The following DNAJC5 variants were observed in gnomAD, a reference collection of about 807,000 sequenced individuals.
DNAJC5 encodes the protein dnaJ homolog subfamily C member 5.
Under a neutral mutation model 23.2 loss-of-function variants are expected in DNAJC5, and 1 was observed. The observed-to-expected ratio is 0.04, with a 90% confidence interval of 0.02 to 0.20. DNAJC5 has a LOEUF of 0.20. Ranked by LOEUF, DNAJC5 falls within the 10% of genes least tolerant of loss-of-function variation. The pLI, the probability that DNAJC5 is intolerant of heterozygous loss-of-function variation, is 1.00. For synonymous variants in DNAJC5, 136 were observed against 120.0 expected (o/e 1.13, Z -0.87); for missense variants, 180 against 267.0 (o/e 0.67, Z 2.27).
At chr20:63,905,668 C>T (rs1437802914) in intron 1 of DNAJC5, among the ~76,000 whole-genome samples, 2 of 151,374 alleles carry the variant, frequency 1.3e-5, no homozygotes, top group East Asian at 3.9e-4. Flanking sequence ...CTCCTGGGTT[C>T]AAGCAATTCT....
At chr20:63,907,166 TAA>T (rs1467864827) in intron 1 of DNAJC5, among the ~76,000 whole-genome samples, 1 of 152,056 alleles carries the variant, frequency 6.6e-6, no homozygotes, top group Non-Finnish European at 1.5e-5. Context: ...TACAAGAAAA[TAA>T]GTTATTTGTG....
chr20:63,907,428 C>T (rs2053454811), intron 1 of DNAJC5, among the ~76,000 whole-genome samples: 2 of 152,140 alleles, frequency 1.3e-5, no homozygotes, highest in South Asian at 4.1e-4. Flanking sequence ...CAAGCCAGCT[C>T]CCAGACATAC....
At position 63,929,065 on chromosome 20, in the gene DNAJC5, G is replaced by A. The variant is rs1293776477; in HGVS notation, c.108-247G>A. Among the ~76,000 whole-genome samples the A allele has an allele frequency of 6.6e-6, 1 of 152,236 alleles. No individual in the cohort carries two copies. The highest frequency in any genetic ancestry group is 2.1e-4 in the South Asian group (1 of 4,836). On this transcript the variant is annotated intron_variant, in intron 2 of 4. Transcript: ENST00000360864. The surrounding 1 kb of genome is among the most constrained non-coding windows in gnomAD (Gnocchi z 8.6). ...TGGTGCCGCTGAACTTAGATGTGCC[G>A]TGGCACTCACAGCCCTTGGGGCTCC...
intron 1 of DNAJC5, among the ~76,000 whole-genome samples, chr20:63,899,781 C>T (rs573049019): frequency 5.3e-5 from 8 of 151,042 alleles, no homozygotes; most frequent in East Asian, 2.0e-4. Flanking sequence ...CAGGGTTTCG[C>T]GGTGTTAGCC....
At position 63,920,510 on chromosome 20, in the gene DNAJC5, G is replaced by GAGGA. The variant is rs1356199129; in HGVS notation, c.-11-7824_-11-7821dup. Among the ~76,000 whole-genome samples, 1 of 152,230 alleles carries GAGGA rather than the reference G, an allele frequency of 6.6e-6. No individual in the cohort carries two copies. The highest frequency in any genetic ancestry group is 1.5e-5 in the Non-Finnish European group (1 of 68,030). ...GAGTGGCTGCCCTGGCGTAGGGAGG[G>GAGGA]AGGACACGGGTCCCCGCCATTTCAG... On this transcript the variant is annotated intron_variant, in intron 1 of 4. Transcript: ENST00000360864. The surrounding 1 kb of genome is among the most constrained non-coding windows in gnomAD (Gnocchi z 4.6).
At chr20:63,915,440 G>A (rs1259643477) in intron 1 of DNAJC5, among the ~76,000 whole-genome samples, 2 of 144,548 alleles carry the variant, frequency 1.4e-5, no homozygotes, top group South Asian at 2.2e-4. Context: ...AAAAAAAAAA[G>A]CTTGTGCTCA....
rs754228390 is a variant in DNAJC5, at chr20:63,929,349, G to A, written c.145G>A (p.Asp49Asn). The change falls in exon 3 of 5, where the codon GAC becomes AAC. Residue 49 changes from aspartate to asparagine, a missense_variant. Around this residue, in one of 3 missense-constraint regions of DNAJC5, gnomAD observed 77 missense variants for 106.8 expected, o/e 0.72. Transcript: ENST00000360864. This position sits in a 1 kb window ranked among gnomAD's most constrained non-coding sequence, Gnocchi z 8.6. ...GAAATATCACCCCGACAAGAACCCC[G>A]ACAACCCGGAGGCCGCGGACAAGTT... ...ALKYHPDKNP[D>N]NPEAADKFKE... The A allele has an allele frequency of 5.0e-6, 8 of 1,613,948 alleles. No homozygotes were observed. The highest frequency in any genetic ancestry group is 5.9e-6 in the Non-Finnish European group (7 of 1,180,006).
At position 63,935,935 on chromosome 20, in the gene DNAJC5, G is replaced by T. The variant is rs1436915709; in HGVS notation, c.*4367G>T. The T allele has an allele frequency of 6.6e-6, 1 of 152,234 alleles. No homozygotes were observed. Among genetic ancestry groups the T allele is most frequent in the Non-Finnish European group, 1.5e-5 (1 of 68,054 alleles). The allele number at this position is 152,234 out of a possible 1,614,324, so 9.4% of individuals were successfully genotyped here. A position where few individuals can be genotyped will look rare whatever the true frequency, so the allele number is the denominator to read the frequency against. ...CTCGAGCACACACATCTAAGGGCCA[G>T]GCTGGTTCCGCATGGTGATCTCCGT... On this transcript the variant is annotated 3_prime_UTR_variant, in exon 5 of 5. Transcript: ENST00000360864.
At chr20:63,926,923 A>G (rs568814528) in intron 1 of DNAJC5, among the ~76,000 whole-genome samples, 8 of 152,352 alleles carry the variant, frequency 5.3e-5, no homozygotes, top group Middle Eastern at 3.4e-3. Context: ...TGTATTTATT[A>G]TTCAATTCAA....
In DNAJC5 at chr20:63,931,902, C is replaced by T. The variant is rs1281579683; in HGVS notation, c.*334C>T. 2.5e-6 allele frequency: 1 copy of T among 394,026 alleles called. No individual in the cohort carries two copies. Among genetic ancestry groups the T allele is most frequent in the Non-Finnish European group, 4.9e-6 (1 of 205,572 alleles). The allele number at this position is 394,026 out of a possible 1,614,324, so 24.4% of individuals were successfully genotyped here. Reference sequence around the variant, plus strand: ...CCTCAGGGCTGTCGGTCAGGTTGGTCCAGTGAGGGGTGACTGCAGCCGGTC... The same window carrying T: ...CCTCAGGGCTGTCGGTCAGGTTGGTTCAGTGAGGGGTGACTGCAGCCGGTC... On this transcript the variant is annotated 3_prime_UTR_variant, in exon 5 of 5. Coordinates refer to ENST00000360864, the MANE Select transcript of DNAJC5 (RefSeq NM_025219.3). This position sits in a 1 kb window ranked among gnomAD's most constrained non-coding sequence, Gnocchi z 9.6.
rs1188172174 is a variant in DNAJC5 at position 63,931,043 on chromosome 20, C to G, written c.493+21C>G. Reference sequence around the variant, plus strand: ...GAGGGGTGAGTGCCCGCCCCAGGGCCCGTGTGTGTGTGTGGGGCAGAGCCA... The same window carrying G: ...GAGGGGTGAGTGCCCGCCCCAGGGCGCGTGTGTGTGTGTGGGGCAGAGCCA... On this transcript the variant is annotated intron_variant, in intron 4 of 4. Coordinates refer to ENST00000360864, the MANE Select transcript of DNAJC5 (RefSeq NM_025219.3). This position sits in a 1 kb window ranked among gnomAD's most constrained non-coding sequence, Gnocchi z 9.6. 1 of 1,607,102 alleles carries G rather than the reference C, an allele frequency of 6.2e-7. No homozygotes were observed. Among genetic ancestry groups the G allele is most frequent in the African/African-American group, 1.3e-5 (1 of 74,870 alleles).
chr20:63,919,470 CGGG>C lies in DNAJC5; in HGVS notation c.-11-8864_-11-8862del, dbSNP rs1456171420. The C allele has an allele frequency of 2.5e-4, 124 of 496,896 alleles. 4 individuals carry two copies. Among genetic ancestry groups the C allele is most frequent in the East Asian group, 8.6e-4 (15 of 17,488 alleles). The allele number at this position is 496,896 out of a possible 1,614,324, so 30.8% of individuals were successfully genotyped here. ...GCTGTGTGGACATGTGCCCAGGGCC[CGGG>C]ACAGCGCCACGGAAGAGGACGCACC... On this transcript the variant is annotated intron_variant, in intron 1 of 4. Coordinates refer to ENST00000360864, the MANE Select transcript of DNAJC5 (RefSeq NM_025219.3).
chr20:63,919,322 G>C, intron 1 of DNAJC5: 2 of 492,798 alleles, frequency 4.1e-6, no homozygotes, highest in Non-Finnish European at 8.2e-6. Flanking sequence ...TCGATGCATC[G>C]TAACTGTTGA....
chr20:63,902,987 T>G (rs1030055268), intron 1 of DNAJC5, among the ~76,000 whole-genome samples: 2 of 152,004 alleles, frequency 1.3e-5, no homozygotes, highest in African/African-American at 4.8e-5. Context: ...ACATCCTGTT[T>G]TTTTTACAAC....
At chr20:63,923,110 C>T (rs1168441925) in intron 1 of DNAJC5, among the ~76,000 whole-genome samples, 1 of 151,896 alleles carries the variant, frequency 6.6e-6, no homozygotes, top group Non-Finnish European at 1.5e-5. Flanking sequence ...CACTGCACTC[C>T]AGCCTGGGCA....
rs2053690244 is a variant in DNAJC5 at position 63,933,345 on chromosome 20, G to C, written c.*1777G>C. 2 of 152,380 alleles carry C rather than the reference G, an allele frequency of 1.3e-5. No homozygotes were observed. The highest frequency in any genetic ancestry group is 4.2e-4 in the South Asian group (2 of 4,810). 9.4% of individuals were successfully genotyped at this position (152,380 alleles called of 1,614,324 possible). A position where few individuals can be genotyped will look rare whatever the true frequency, so the allele number is the denominator to read the frequency against. On this transcript the variant is annotated 3_prime_UTR_variant, in exon 5 of 5. Transcript: ENST00000360864. ...TACATCTGGACGTGCTTAGGAACAG[G>C]GTGCTGGTTGAGGGCCCCCAGCTGA...
In DNAJC5 at chr20:63,899,875, CT is replaced by C. The variant is rs1204638442; in HGVS notation, c.-12+4553del. 7.7e-3 allele frequency among the ~76,000 whole-genome samples: 1,101 copies of C among 142,878 alleles called. 22 individuals are homozygous for C. The highest frequency in any genetic ancestry group is 0.027 in the African/African-American group (1,049 of 38,236). 93.7% of individuals were successfully genotyped at this position (142,878 alleles called of 152,430 possible). On this transcript the variant is annotated intron_variant, in intron 1 of 4. Transcript: ENST00000360864. ...GGATTGCAGGTGTGAGCCACTGCGC[CT>C]GGGCTTTTTTTTTTTTTTTTTTTTG...
intron 1 of DNAJC5, among the ~76,000 whole-genome samples, chr20:63,911,453 C>A (rs1013716385): frequency 1.3e-5 from 2 of 152,200 alleles, no homozygotes; most frequent in Non-Finnish European, 2.9e-5. Flanking sequence ...AGCTGCCCTG[C>A]CTGTCTGCTC....
rs371728069 is a variant in DNAJC5 at position 63,910,578 on chromosome 20, G to T, written c.-12+15255G>T. ...AGTGATGTGCGCTTGGGACTGGGAG[G>T]GCGAGGCCCGAGGTACCTGGGTGCC... On this transcript the variant is annotated intron_variant, in intron 1 of 4. Transcript: ENST00000360864. 5.9e-5 allele frequency among the ~76,000 whole-genome samples: 9 copies of T among 152,118 alleles called. No individual in the cohort carries two copies. In the South Asian group the frequency reaches 1.0e-3, roughly 18 times the overall value.
Sources: allele counts gnomAD v4.1 joint callset (sites outside exome capture counted in the v4.1 genomes callset), GRCh38; gene constraint gnomAD v4.1.1; regional missense constraint gnomAD v4.1.1; non-coding constraint Gnocchi (gnomAD v3.1); transcripts MANE v1.5; gene names NCBI Gene and HGNC (gene_info 2026-07-23, HGNC 2026-07-21).